Variants in ZNF148 observed in about 807,000 individuals in gnomAD.
ZNF148 encodes zinc finger protein 148, also known as Beta-Enolase Repressor Factor-1.
Under a neutral mutation model 67.7 loss-of-function variants are expected in ZNF148, and 7 were observed. That is an observed-to-expected ratio of 0.10 (90% confidence interval 0.06 to 0.19). The LOEUF (loss-of-function observed/expected upper bound fraction) is 0.19, where lower values mean the gene tolerates loss of function less well. Among genes scored for constraint, ZNF148 ranks in the 10% least tolerant of loss-of-function variants. The pLI, the probability that ZNF148 is intolerant of heterozygous loss-of-function variation, is 1.00. For synonymous variants in ZNF148, 333 were observed against 330.7 expected, an observed-to-expected ratio of 1.01 and a Z score of -0.08; for missense variants, 583 against 947.1, an observed-to-expected ratio of 0.62 and a Z score of 5.05.
At position 125,228,708 on chromosome 3, in the gene ZNF148, A is replaced by G. The variant is rs879833381; in HGVS notation, c.*3633T>C. ...AACAAATGGAATGCATAACATTAAT[A>G]AACATCATAAAGGAAGACTCACATA... On this transcript the variant is annotated 3_prime_UTR_variant, in exon 9 of 9. Transcript: ENST00000360647. 1 of 152,620 alleles carries G rather than the reference A, an allele frequency of 6.6e-6. No homozygotes were observed. The highest frequency in any genetic ancestry group is 3.2e-3 in the Middle Eastern group (1 of 316). The allele number at this position is 152,620 out of a possible 1,614,324, so 9.5% of individuals were successfully genotyped here.
intron 7 of ZNF148, among the ~76,000 whole-genome samples, chr3:125,242,887 G>C (rs756075142): frequency 1.3e-4 from 20 of 152,132 alleles, no homozygotes; most frequent in Non-Finnish European, 2.8e-4. Flanking sequence ...CTGTTCATAA[G>C]CCAGAACCAA....
intron 1 of ZNF148, among the ~76,000 whole-genome samples, chr3:125,364,878 T>G (rs578076804): frequency 7.9e-5 from 12 of 152,312 alleles, no homozygotes; most frequent in Admixed American, 7.2e-4. Flanking sequence ...TTTATTTCCC[T>G]CCATTCCTCA....
chr3:125,235,082 A>C (rs1936025577), intron 7 of ZNF148, among the ~76,000 whole-genome samples: 1 of 152,202 alleles, frequency 6.6e-6, no homozygotes, highest in Non-Finnish European at 1.5e-5. Flanking sequence ...TACTGATAAA[A>C]CCACAGTCTA....
At chr3:125,238,646 C>T (rs887295916) in intron 7 of ZNF148, among the ~76,000 whole-genome samples, 2 of 152,106 alleles carry the variant, frequency 1.3e-5, no homozygotes, top group African/African-American at 4.8e-5. Flanking sequence ...AAAACGCACA[C>T]ACAAATGAAA....
intron 4 of ZNF148, among the ~76,000 whole-genome samples, chr3:125,304,474 G>T (rs1939767249): frequency 6.6e-6 from 1 of 152,078 alleles, no homozygotes; most frequent in Non-Finnish European, 1.5e-5. Context: ...GAGGAGAAAG[G>T]TATCCACGCA....
intron 4 of ZNF148, among the ~76,000 whole-genome samples, chr3:125,294,658 A>G (rs1939192545): frequency 6.6e-6 from 1 of 152,172 alleles, no homozygotes; most frequent in Non-Finnish European, 1.5e-5. Context: ...TATTAATACA[A>G]TACATGGGGA....
intron 7 of ZNF148, among the ~76,000 whole-genome samples, chr3:125,246,789 A>G (rs1434913937): frequency 6.6e-6 from 1 of 152,230 alleles, no homozygotes; most frequent in Non-Finnish European, 1.5e-5. Flanking sequence ...GCTGAACAAT[A>G]AACTTGAGAA....
At chr3:125,352,659 T>TC (rs1942194854) in intron 1 of ZNF148, among the ~76,000 whole-genome samples, 1 of 73,366 alleles carries the variant, frequency 1.4e-5, no homozygotes, top group African/African-American at 7.8e-5. Flanking sequence ...AGGACCTCTA[T>TC]CTTAAAAAAA....
In ZNF148 at chr3:125,226,287, A is replaced by G. The variant is rs571424216; in HGVS notation, c.*6054T>C. ...TTCTTTTCTCTTTACGGTTATATCT[A>G]TGCACCATGATTTTTGCATATTTAC... On this transcript the variant is annotated 3_prime_UTR_variant, in exon 9 of 9. Transcript: ENST00000360647. 23 of 152,610 alleles carry G rather than the reference A, an allele frequency of 1.5e-4. No individual in the cohort carries two copies. The highest frequency in any genetic ancestry group is 5.3e-4 in the African/African-American group (22 of 41,574). The allele number at this position is 152,610 out of a possible 1,614,324, so 9.5% of individuals were successfully genotyped here. A position where few individuals can be genotyped will look rare whatever the true frequency, so the allele number is the denominator to read the frequency against.
intron 7 of ZNF148, among the ~76,000 whole-genome samples, chr3:125,246,357 G>A (rs1209825953): frequency 6.6e-6 from 1 of 152,082 alleles, no homozygotes; most frequent in Non-Finnish European, 1.5e-5. Flanking sequence ...ACCAAAAAAA[G>A]ATCATGTACC....
At chr3:125,269,362 C>CA (rs532716219) in intron 7 of ZNF148, among the ~76,000 whole-genome samples, 2 of 149,766 alleles carry the variant, frequency 1.3e-5, no homozygotes, top group South Asian at 2.1e-4. Flanking sequence ...GCCTAAGTGA[C>CA]ATAGCAACAT....
chr3:125,362,923 T>C (rs1029863098), intron 1 of ZNF148, among the ~76,000 whole-genome samples: 2 of 152,218 alleles, frequency 1.3e-5, no homozygotes, highest in Non-Finnish European at 2.9e-5. Flanking sequence ...GTAATGATTC[T>C]ACTCTGACCT....
chr3:125,294,145 C>T (rs555630418), intron 4 of ZNF148, among the ~76,000 whole-genome samples: 1 of 152,114 alleles, frequency 6.6e-6, no homozygotes, highest in African/African-American at 2.4e-5. Flanking sequence ...CAGAGAAGCT[C>T]AAATTAAGAA....
chr3:125,371,352 G>C (rs1445647525), intron 1 of ZNF148, among the ~76,000 whole-genome samples: 2 of 58,178 alleles, frequency 3.4e-5, no homozygotes, highest in African/African-American at 1.6e-4. Context: ...GTGAGACCCT[G>C]TTTCAAAAAA....
chr3:125,333,058 T>C (rs1250259440), intron 1 of ZNF148, among the ~76,000 whole-genome samples: 4 of 152,256 alleles, frequency 2.6e-5, no homozygotes, highest in Non-Finnish European at 4.4e-5. Context: ...AAAGTTGATG[T>C]GATGTATCTA....
At chr3:125,239,170 T>C (rs1255749264) in intron 7 of ZNF148, among the ~76,000 whole-genome samples, 1 of 152,200 alleles carries the variant, frequency 6.6e-6, no homozygotes, top group Non-Finnish European at 1.5e-5. Context: ...ACATTATATA[T>C]GTACTTAATG....
chr3:125,320,314 C>G (rs947008495), intron 3 of ZNF148, among the ~76,000 whole-genome samples: 1 of 152,088 alleles, frequency 6.6e-6, no homozygotes, highest in Admixed American at 6.5e-5. Context: ...AAAAAGAGGG[C>G]TGTACATTTT....
At chr3:125,256,735 T>C (rs1194812641) in intron 7 of ZNF148, among the ~76,000 whole-genome samples, 3 of 152,126 alleles carry the variant, frequency 2.0e-5, no homozygotes, top group Non-Finnish European at 4.4e-5. Context: ...ACATCCATTC[T>C]ATGCAGTAAA....
intron 7 of ZNF148, among the ~76,000 whole-genome samples, chr3:125,264,032 C>T (rs949418963): frequency 2.2e-4 from 33 of 152,342 alleles, no homozygotes; most frequent in East Asian, 1.9e-4. Context: ...GGTTGGTGAA[C>T]ACATCCAAGT....
Sources: allele counts gnomAD v4.1 joint callset (sites outside exome capture counted in the v4.1 genomes callset), GRCh38; gene constraint gnomAD v4.1.1; transcripts MANE v1.5; gene names NCBI Gene and HGNC (gene_info 2026-07-23, HGNC 2026-07-21).